The following RBFOX1 variants were observed in gnomAD, a reference collection of about 807,000 sequenced individuals.
RBFOX1 encodes the protein RNA binding fox-1 homolog 1.
RBFOX1 carries 8 observed loss-of-function variants against 57.7 expected under a neutral mutation model. The ratio of observed to expected loss-of-function variants is 0.14; its 90% CI spans 0.08 to 0.25. The LOEUF is 0.25. Among genes scored for constraint, RBFOX1 ranks in the 10% least tolerant of loss-of-function variants. The pLI, the probability that RBFOX1 is intolerant of heterozygous loss-of-function variation, is 1.00. For missense variants in RBFOX1, 611 were observed against 548.5 expected (o/e 1.11, Z -1.14); for synonymous variants, 326 against 222.4 (o/e 1.47, Z -4.15).
intron 4 of RBFOX1, among the ~76,000 whole-genome samples, chr16:7,095,628 G>C (rs374292353): frequency 1.3e-5 from 2 of 152,180 alleles, no homozygotes; most frequent in Non-Finnish European, 2.9e-5. Context: ...ATACATACCA[G>C]GTGGGAGCTT....
chr16:6,281,975 G>T (rs1472613152), intron 1 of RBFOX1, among the ~76,000 whole-genome samples: 1 of 152,226 alleles, frequency 6.6e-6, no homozygotes, highest in African/African-American at 2.4e-5. Context: ...AGACAGAAAC[G>T]GGTGAGCGTT....
intron 4 of RBFOX1, among the ~76,000 whole-genome samples, chr16:7,370,203 A>G (rs9931665): frequency 0.18 from 26,757 of 152,092 alleles, 3,267 homozygotes; most frequent in African/African-American, 0.35. Flanking sequence ...AAACATTGCC[A>G]TTGTCCCCTG....
intron 3 of RBFOX1, among the ~76,000 whole-genome samples, chr16:6,796,271 C>A (rs2084018463): frequency 6.6e-6 from 1 of 152,118 alleles, no homozygotes; most frequent in Admixed American, 6.5e-5. Flanking sequence ...GTAATTCAGT[C>A]AACTCTCACT....
Position 5,817,501 on chromosome 16 carries a change from G to A in RBFOX1, c.319-49802G>A, listed in dbSNP as rs1403112550. ...AATTAATGGATGAACAAGTGAGTGA[G>A]GCCAAAATTCTCATAGCTCAGGGAA... On this transcript the variant is annotated intron_variant, in intron 3 of 19. Transcript: ENST00000641259. Among the ~76,000 whole-genome samples the A allele has an allele frequency of 5.3e-5, 8 of 152,206 alleles. No individual in the cohort carries two copies. In the East Asian group the frequency reaches 1.2e-3, roughly 22 times the overall value.
At chr16:7,237,827 G>A (rs1055356974) in intron 4 of RBFOX1, among the ~76,000 whole-genome samples, 3 of 152,110 alleles carry the variant, frequency 2.0e-5, no homozygotes, top group Non-Finnish European at 4.4e-5. Context: ...CCAACGTGGT[G>A]AAAACTCAAC....
intron 5 of RBFOX1, among the ~76,000 whole-genome samples, chr16:7,521,628 G>T (rs967378161): frequency 6.6e-6 from 1 of 152,178 alleles, no homozygotes; most frequent in African/African-American, 2.4e-5. Flanking sequence ...AGAGCCTTAG[G>T]AGAATATAGG....
chr16:6,395,677 G>A (rs988764779), intron 2 of RBFOX1, among the ~76,000 whole-genome samples: 7 of 152,046 alleles, frequency 4.6e-5, no homozygotes, highest in African/African-American at 1.7e-4. Flanking sequence ...TATATATCAA[G>A]TTTATATCAA....
downstream of RBFOX1, among the ~76,000 whole-genome samples, chr16:5,604,267 C>T (rs979399885): frequency 6.6e-6 from 1 of 152,288 alleles, no homozygotes; most frequent in Middle Eastern, 3.4e-3. Flanking sequence ...CATCTTATTG[C>T]TTCGATTGGT....
chr16:7,111,666 C>T (rs564406615), intron 4 of RBFOX1, among the ~76,000 whole-genome samples: 1 of 152,194 alleles, frequency 6.6e-6, no homozygotes, highest in African/African-American at 2.4e-5. Context: ...TGGCTCATAC[C>T]TGTGCCTTGT....
intron 12 of RBFOX1, among the ~76,000 whole-genome samples, chr16:7,655,606 G>A (rs950299410): frequency 1.3e-5 from 2 of 151,962 alleles, no homozygotes; most frequent in African/African-American, 2.4e-5. Flanking sequence ...CCAAGATCAT[G>A]TAATGAGTTA....
intron 1 of RBFOX1, among the ~76,000 whole-genome samples, chr16:6,058,206 T>G (rs1187378166): frequency 6.6e-6 from 1 of 152,150 alleles, no homozygotes; most frequent in Non-Finnish European, 1.5e-5. Flanking sequence ...CAAAGTCATT[T>G]CCTATCAGAA....
intron 1 of RBFOX1, among the ~76,000 whole-genome samples, chr16:6,182,965 G>C (rs1044361130): frequency 6.6e-6 from 1 of 152,072 alleles, no homozygotes; most frequent in Non-Finnish European, 1.5e-5. Flanking sequence ...ATGGGGCGAA[G>C]GATGAAAAGA....
intron 2 of RBFOX1, among the ~76,000 whole-genome samples, chr16:5,573,373 C>T (rs1387669084): frequency 3.3e-5 from 5 of 152,174 alleles, no homozygotes; most frequent in Non-Finnish European, 7.3e-5. Context: ...CACCTCTTCC[C>T]CTGCCTATGT....
intron 4 of RBFOX1, among the ~76,000 whole-genome samples, chr16:7,127,270 ATGTAATATTATCCATAGTACTTATGATAC>A (rs2068844115): frequency 6.6e-6 from 1 of 152,214 alleles, no homozygotes; most frequent in Non-Finnish European, 1.5e-5. Context: ...TGTCAGCAAT[ATGTAATATTATCCATAGTACTTATGATAC>A]TGTGTTTGCT....
At chr16:6,101,691 G>A (rs2152557823) in intron 1 of RBFOX1, among the ~76,000 whole-genome samples, 1 of 152,102 alleles carries the variant, frequency 6.6e-6, no homozygotes. Flanking sequence ...GGAAGCTGAG[G>A]TGGGTGGATC....
chr16:6,895,647 C>T (rs558958849), intron 3 of RBFOX1, among the ~76,000 whole-genome samples: 17 of 150,848 alleles, frequency 1.1e-4, no homozygotes, highest in African/African-American at 3.9e-4. Context: ...CTTGACAATG[C>T]CAATGTTTTG....
At chr16:5,780,595 A>G (rs900970735) in intron 3 of RBFOX1, among the ~76,000 whole-genome samples, 1 of 152,182 alleles carries the variant, frequency 6.6e-6, no homozygotes, top group African/African-American at 2.4e-5. Flanking sequence ...AATATTCACA[A>G]TGTTGAATTT....
intron 3 of RBFOX1, among the ~76,000 whole-genome samples, chr16:6,824,532 G>A (rs780581989): frequency 5.3e-5 from 8 of 152,012 alleles, no homozygotes; most frequent in Non-Finnish European, 1.0e-4. Flanking sequence ...AACATGTTGA[G>A]TATATCTCCT....
At chr16:7,116,177 G>T (rs148119470) in intron 4 of RBFOX1, among the ~76,000 whole-genome samples, 1 of 151,994 alleles carries the variant, frequency 6.6e-6, no homozygotes. Context: ...TTTTTCTCCC[G>T]TTCACCAGTT....
Sources: gnomAD v4.1 joint callset for allele counts (sites outside exome capture counted in the v4.1 genomes callset) on GRCh38, gnomAD v4.1.1 for gene constraint, MANE v1.5 for transcripts, NCBI Gene and HGNC (gene_info 2026-07-23, HGNC 2026-07-21) for gene names.